The following NR4A1 variants were observed in gnomAD, a reference collection of about 807,000 sequenced individuals.
NR4A1 encodes the protein nuclear receptor subfamily 4 group A member 1.
NR4A1 carries 24 observed loss-of-function variants against 47.5 expected under a neutral mutation model. The ratio of observed to expected loss-of-function variants is 0.50; its 90% confidence interval spans 0.37 to 0.71. The LOEUF is 0.71. Among genes scored for constraint, NR4A1 ranks in the 30% least tolerant of loss-of-function variants. NR4A1 has a pLI of 0.00. For synonymous variants in NR4A1, 353 were observed against 345.7 expected, an observed-to-expected ratio of 1.02 and a Z score of -0.24; for missense variants, 669 against 788.6, an observed-to-expected ratio of 0.85 and a Z score of 1.82.
Position 52,055,195 on chromosome 12 carries a change from C to T in NR4A1, c.867C>T (p.Gly289=), listed in dbSNP as rs1939194207. 1.9e-6 allele frequency: 3 copies of T among 1,612,830 alleles called. No individual in the cohort carries two copies. Among genetic ancestry groups the T allele is most frequent in the Non-Finnish European group, 2.5e-6 (3 of 1,180,040 alleles). Residue 289 remains glycine, a synonymous_variant, in exon 2 of 7, where the codon GGC becomes GGT. Transcript: ENST00000394825. ...YGVRTCEGCK[G]FFKRTVQKNA... is the part of the protein sequence containing the mutation. The stretch of plus-strand genomic sequence containing the variant: ...TCCGCACATGTGAGGGCTGCAAGGG[C>T]TTCTTCAAGGTACCGCGCAGCCCCA...
At chr12:52,027,864 T>C (rs1314422796) in intron 1 of NR4A1, among the ~76,000 whole-genome samples, 1 of 152,088 alleles carries the variant, frequency 6.6e-6, no homozygotes. Context: ...CTCAGGAGTG[T>C]AGGAGGGCGT....
chr12:52,052,281 G>A (rs1046969916), intron 1 of NR4A1, among the ~76,000 whole-genome samples: 4 of 140,166 alleles, frequency 2.9e-5, no homozygotes, highest in African/African-American at 8.9e-5. Context: ...GTGTGTGTGT[G>A]TGTGTGTGTG....
At chr12:52,052,404 T>C (rs1387776775) in intron 1 of NR4A1, 2 of 846,738 alleles carry the variant, frequency 2.4e-6, no homozygotes, top group Non-Finnish European at 2.8e-6. Flanking sequence ...CTTGGGGCGG[T>C]GCTGCCTAGA....
chr12:52,050,722 C>G (rs1285460752), upstream of NR4A1, among the ~76,000 whole-genome samples: 1 of 152,188 alleles, frequency 6.6e-6, no homozygotes, highest in Non-Finnish European at 1.5e-5. Flanking sequence ...AGGGCTCTAA[C>G]TGACGTCTCA....
At position 52,031,402 on chromosome 12, in the gene NR4A1, C is replaced by T. The variant is rs1041201804; in HGVS notation, c.-84+8463C>T. On this transcript the variant is annotated intron_variant, in intron 1 of 7. Coordinates refer to the NR4A1 transcript ENST00000360284. The stretch of plus-strand genomic sequence containing the variant: ...CTGTAATCTCAACACTTTGGGAGGC[C>T]GAGGCGGGCAGATCACATGAGGTCA... Among the ~76,000 whole-genome samples, 9 of 151,310 alleles carry T rather than the reference C, an allele frequency of 5.9e-5. No homozygotes were observed. In the East Asian group the frequency reaches 6.1e-4, roughly 10 times the overall value.
chr12:52,056,726 C>T (rs1044490417), intron 4 of NR4A1, 81 bp downstream of exon 4: 55 of 1,347,274 alleles, frequency 4.1e-5, no homozygotes, highest in Non-Finnish European at 5.2e-5. Context: ...GAGCTACCCC[C>T]TCTGGAAGGA....
chr12:52,058,560 G>A, intron 6 of NR4A1, 128 bp from the exon 7 acceptor site: 1 of 1,234,912 alleles, frequency 8.1e-7, no homozygotes, highest in Non-Finnish European at 1.1e-6. Context: ...ACATGTGAAT[G>A]CGCTTTTGTG....
At chr12:52,045,585 G>T (rs1938602232) in intron 2 of NR4A1, 1 of 448,904 alleles carries the variant, frequency 2.2e-6, no homozygotes, top group Non-Finnish European at 4.5e-6. Context: ...TGGGCCTGGT[G>T]ATGTCTGCAT....
At position 52,041,908 on chromosome 12, in the gene NR4A1, GC is replaced by G; in HGVS notation, c.18del (p.Cys7ValfsTer33). The G allele has an allele frequency of 6.7e-7, 1 of 1,503,688 alleles. No individual in the cohort carries two copies. Among genetic ancestry groups the G allele is most frequent in the Non-Finnish European group, 8.9e-7 (1 of 1,129,480 alleles). The allele number at this position is 1,503,688 out of a possible 1,614,324, so 93.1% of individuals were successfully genotyped here. On this transcript the variant is annotated frameshift_variant, in exon 2 of 8. Coordinates refer to the NR4A1 transcript ENST00000360284. LOFTEE classifies it high-confidence loss of function. ...AGACGGGATAATGTGGTTGGCCAAG[GC>G]CTGTTGGTCCATCCAGAGTGGTAAG...
Position 52,054,178 on chromosome 12 carries a change from C to G in NR4A1, c.-2-149C>G, listed in dbSNP as rs1272687956. ...GTACTCAGGCCAGGGGTCAGGATTC[C>G]TGGGTGCTCTGGTCCCGGTGCCTCT... On this transcript the variant is annotated intron_variant, in intron 1 of 6. Coordinates refer to ENST00000394825, the MANE Select transcript of NR4A1 (RefSeq NM_173157.3). The G allele has an allele frequency of 4.5e-6, 3 of 671,358 alleles. No individual in the cohort carries two copies. In the African/African-American group the frequency reaches 5.5e-5, roughly 12 times the overall value. 41.6% of individuals were successfully genotyped at this position (671,358 alleles called of 1,614,324 possible). A position where few individuals can be genotyped will look rare whatever the true frequency, so the allele number is the denominator to read the frequency against.
At chr12:52,023,763 C>A (rs1039553671) in intron 1 of NR4A1, among the ~76,000 whole-genome samples, 1 of 152,152 alleles carries the variant, frequency 6.6e-6, no homozygotes. Flanking sequence ...GGCCTCGAAC[C>A]CCAGCCTGCC....
chr12:52,041,955 T>A, intron 2 of NR4A1: 1 of 1,298,640 alleles, frequency 7.7e-7, no homozygotes, highest in African/African-American at 1.5e-5. Context: ...TTGTCCTTTG[T>A]ACACCCCTCC....
chr12:52,037,311 G>A (rs1394539841), intron 1 of NR4A1: 1 of 949,094 alleles, frequency 1.1e-6, no homozygotes, highest in African/African-American at 1.8e-5. Context: ...GAACTGGCGG[G>A]GGTCCCCTCG....
intron 2 of NR4A1, 200 bp from the exon 3 acceptor site, chr12:52,055,830 C>T (rs1233178014): frequency 4.3e-6 from 2 of 470,438 alleles, no homozygotes; most frequent in East Asian, 3.4e-5. Context: ...AGAAACCTCC[C>T]CCAATGTCTT....
intron 1 of NR4A1, among the ~76,000 whole-genome samples, chr12:52,052,266 CACGTGT>C (rs1461212395): frequency 1.8e-4 from 17 of 95,036 alleles, no homozygotes; most frequent in African/African-American, 9.3e-4. Context: ...GGGCTTGGAT[CACGTGT>C]GTGTGTGTGT....
At chr12:52,027,712 C>T (rs879280545) in intron 1 of NR4A1, among the ~76,000 whole-genome samples, 10 of 152,228 alleles carry the variant, frequency 6.6e-5, no homozygotes, top group African/African-American at 2.2e-4. Flanking sequence ...TCCTGTTTCA[C>T]GGCCCACTCT....
chr12:52,040,161 CG>C (rs1565642552), intron 1 of NR4A1, among the ~76,000 whole-genome samples: 1 of 152,140 alleles, frequency 6.6e-6, no homozygotes, highest in African/African-American at 2.4e-5. Flanking sequence ...TCCTGTTGTT[CG>C]GGGCACACTG....
At chr12:52,052,629 C>A (rs540372669) in intron 1 of NR4A1, 4 of 985,528 alleles carry the variant, frequency 4.1e-6, no homozygotes, top group South Asian at 4.7e-5. Flanking sequence ...CTGCTCCCCC[C>A]TCCTGTGAGG....
At chr12:52,023,095 G>C (rs551345573) in intron 1 of NR4A1, among the ~76,000 whole-genome samples, 1 of 152,372 alleles carries the variant, frequency 6.6e-6, no homozygotes, top group South Asian at 2.1e-4. Flanking sequence ...CCCTGCCGGA[G>C]TCTGCTTTTC....
Sources: gnomAD v4.1 joint callset for allele counts (sites outside exome capture counted in the v4.1 genomes callset) on GRCh38, gnomAD v4.1.1 for gene constraint, MANE v1.5 for transcripts, NCBI Gene and HGNC (gene_info 2026-07-23, HGNC 2026-07-21) for gene names.